Variants in TENM3 observed in about 807,000 individuals in gnomAD.
The protein encoded by TENM3 is teneurin transmembrane protein 3.
In TENM3, 63 loss-of-function variants were observed where a neutral mutation model predicts 255.1. That is an observed-to-expected ratio of 0.25 (90% confidence interval 0.20 to 0.30). The LOEUF is 0.30. Ranked by LOEUF, TENM3 falls within the 10% of genes least tolerant of loss-of-function variation. TENM3 has a pLI of 1.00. For synonymous variants in TENM3, 1,306 were observed against 1,322.3 expected (o/e 0.99, Z 0.27); for missense variants, 2,929 against 3,461.1 (o/e 0.85, Z 3.86).
intron 3 of TENM3, among the ~76,000 whole-genome samples, chr4:182,551,408 G>A (rs971002160): frequency 1.3e-5 from 2 of 151,974 alleles, no homozygotes; most frequent in Non-Finnish European, 2.9e-5. Context: ...TAACAGCAGC[G>A]GTGGTAGGAT....
the TENM3 span, among the ~76,000 whole-genome samples, chr4:182,105,086 G>A: frequency 3.3e-5 from 5 of 152,066 alleles, no homozygotes; most frequent in South Asian, 2.1e-4. Context: ...AGTGGTGCAC[G>A]CCAATAGTCC....
chr4:181,888,521 TATATAC>T, the TENM3 span, among the ~76,000 whole-genome samples: 102 of 80,538 alleles, frequency 1.3e-3, 10 homozygotes, highest in African/African-American at 2.0e-3. Context: ...TATATGTATA[TATATAC>T]ATATATGTGT....
intron 24 of TENM3, among the ~76,000 whole-genome samples, chr4:182,788,220 A>G (rs1455054769): frequency 6.6e-6 from 1 of 152,256 alleles, no homozygotes; most frequent in Non-Finnish European, 1.5e-5. Flanking sequence ...GTAGAAGACC[A>G]GAGAATGAAT....
At chr4:182,023,278 A>G in the TENM3 span, among the ~76,000 whole-genome samples, 1 of 152,206 alleles carries the variant, frequency 6.6e-6, no homozygotes, top group African/African-American at 2.4e-5. Context: ...AATACTTAAC[A>G]GCTTTGATAT....
the TENM3 span, among the ~76,000 whole-genome samples, chr4:181,644,964 T>C: frequency 6.6e-6 from 1 of 152,230 alleles, no homozygotes; most frequent in Non-Finnish European, 1.5e-5. Flanking sequence ...AAAGGTTTGA[T>C]GGAGGTTGCC....
chr4:181,583,940 ACATACTCTCATAGCCCCTTTCAAAG>A, the TENM3 span, among the ~76,000 whole-genome samples: 3 of 152,186 alleles, frequency 2.0e-5, no homozygotes, highest in Non-Finnish European at 4.4e-5. Flanking sequence ...TTCTCTTGTT[ACATACTCTCATAGCCCCTTTCAAAG>A]CAGTTATCCA....
At chr4:182,407,261 C>A (rs1769646285) in intron 3 of TENM3, among the ~76,000 whole-genome samples, 1 of 152,074 alleles carries the variant, frequency 6.6e-6, no homozygotes, top group African/African-American at 2.4e-5. Context: ...TTTTGGAAAA[C>A]CAATTTTTTA....
chr4:181,604,183 T>C, the TENM3 span, among the ~76,000 whole-genome samples: 3 of 152,008 alleles, frequency 2.0e-5, no homozygotes, highest in Non-Finnish European at 2.9e-5. Context: ...GAGAATGGCG[T>C]GAACCCGGGA....
the TENM3 span, among the ~76,000 whole-genome samples, chr4:181,697,253 T>C: frequency 6.6e-6 from 1 of 152,124 alleles, no homozygotes; most frequent in Non-Finnish European, 1.5e-5. Context: ...GGGAGTTCTG[T>C]GGAGGGGACA....
the TENM3 span, among the ~76,000 whole-genome samples, chr4:181,945,489 A>G: frequency 6.6e-6 from 1 of 151,996 alleles, no homozygotes; most frequent in Non-Finnish European, 1.5e-5. Flanking sequence ...TATTTAACGG[A>G]CAAGAGCCCC....
intron 4 of TENM3, among the ~76,000 whole-genome samples, chr4:182,618,526 T>C (rs1219749015): frequency 6.6e-6 from 1 of 151,904 alleles, no homozygotes; most frequent in Non-Finnish European, 1.5e-5. Context: ...AAAAATCTTA[T>C]GATGGTAAGT....
intron 2 of TENM3, among the ~76,000 whole-genome samples, chr4:182,328,602 A>T (rs1159810972): frequency 6.6e-6 from 1 of 152,208 alleles, no homozygotes; most frequent in Non-Finnish European, 1.5e-5. Flanking sequence ...TTTGCAAAGA[A>T]GGGAAGGAAG....
chr4:182,021,285 T>C, the TENM3 span, among the ~76,000 whole-genome samples: 9 of 152,304 alleles, frequency 5.9e-5, no homozygotes, highest in East Asian at 1.9e-4. Flanking sequence ...ACATATACAC[T>C]GTATATGTAC....
At chr4:182,022,542 A>AC in the TENM3 span, among the ~76,000 whole-genome samples, 4 of 152,022 alleles carry the variant, frequency 2.6e-5, no homozygotes, top group African/African-American at 9.7e-5. Context: ...AAAAAAAAAA[A>AC]AAAAATCCAA....
the TENM3 span, among the ~76,000 whole-genome samples, chr4:181,504,070 G>A: frequency 3.7e-3 from 564 of 152,308 alleles, 1 homozygote; most frequent in Admixed American, 7.8e-3. Context: ...TTAGTTACCT[G>A]GTTTACACTG....
intron 2 of TENM3, among the ~76,000 whole-genome samples, chr4:182,330,277 C>T (rs1763662311): frequency 6.6e-6 from 1 of 152,108 alleles, no homozygotes; most frequent in South Asian, 2.1e-4. Flanking sequence ...AACAGGTAAA[C>T]TTGTGTTTTT....
At chr4:181,570,832 G>C in the TENM3 span, among the ~76,000 whole-genome samples, 3 of 152,162 alleles carry the variant, frequency 2.0e-5, no homozygotes, top group African/African-American at 7.2e-5. Flanking sequence ...ACCTGTGAAG[G>C]GAAAAGGGGA....
intron 1 of TENM3, among the ~76,000 whole-genome samples, chr4:182,244,188 C>T (rs200525169): frequency 1.3e-5 from 2 of 151,708 alleles, no homozygotes; most frequent in Non-Finnish European, 2.9e-5. Flanking sequence ...CTCCTGACCT[C>T]GTGATCCGCC....
At chr4:181,935,698 C>A in the TENM3 span, among the ~76,000 whole-genome samples, 1 of 152,134 alleles carries the variant, frequency 6.6e-6, no homozygotes, top group South Asian at 2.1e-4. Flanking sequence ...CCAGGCCTTC[C>A]AAACTTACCT....
Sources: gnomAD v4.1 joint callset for allele counts (sites outside exome capture counted in the v4.1 genomes callset) on GRCh38, gnomAD v4.1.1 for gene constraint, MANE v1.5 for transcripts, NCBI Gene and HGNC (gene_info 2026-07-23, HGNC 2026-07-21) for gene names.